The following NMT2 variants were observed in gnomAD, a reference collection of about 807,000 sequenced individuals.
NMT2 encodes the protein glycylpeptide N-tetradecanoyltransferase 2.
A neutral mutation model predicts 65.4 loss-of-function variants in NMT2; 35 were observed. The ratio of observed to expected loss-of-function variants is 0.54; its 90% confidence interval spans 0.41 to 0.71. The LOEUF is 0.71. NMT2 is among the 30% of genes least tolerant of loss of function. The probability of loss-of-function intolerance (pLI) is 0.00; values close to 1 mark genes in which losing one functional copy is unlikely to be tolerated. For missense variants in NMT2, 489 were observed against 611.3 expected, an observed-to-expected ratio of 0.80 and a Z score of 2.11; for synonymous variants, 226 against 231.8, an observed-to-expected ratio of 0.98 and a Z score of 0.23.
intron 2 of NMT2, 124 bp from the exon 3 acceptor site, chr10:15,135,542 C>A: frequency 1.1e-6 from 1 of 930,440 alleles, no homozygotes; most frequent in East Asian, 2.4e-5. Flanking sequence ...CCTCCAAGCC[C>A]AGTCAAGGCC....
At chr10:15,147,268 G>A (rs906532863) in intron 1 of NMT2, among the ~76,000 whole-genome samples, 1 of 152,054 alleles carries the variant, frequency 6.6e-6, no homozygotes, top group Non-Finnish European at 1.5e-5. Context: ...TTAGTGGTTT[G>A]AGACTAATTA....
At chr10:15,156,809 T>C (rs1833015747) in intron 1 of NMT2, among the ~76,000 whole-genome samples, 1 of 151,996 alleles carries the variant, frequency 6.6e-6, no homozygotes, top group Non-Finnish European at 1.5e-5. Context: ...GGCAGGAGAA[T>C]TGCGTGAACC....
chr10:15,147,389 A>G (rs1390759363), intron 1 of NMT2, among the ~76,000 whole-genome samples: 3 of 152,128 alleles, frequency 2.0e-5, no homozygotes, highest in Non-Finnish European at 4.4e-5. Context: ...GAACTAGTGT[A>G]TAATAATCAC....
intron 1 of NMT2, among the ~76,000 whole-genome samples, chr10:15,150,019 C>T (rs756612212): frequency 9.2e-5 from 14 of 152,306 alleles, no homozygotes; most frequent in Non-Finnish European, 1.5e-4. Context: ...CTTTGTGCTA[C>T]GTGTGTGCAC....
intron 9 of NMT2, among the ~76,000 whole-genome samples, chr10:15,118,645 T>C (rs913713332): frequency 2.8e-4 from 42 of 148,070 alleles, no homozygotes; most frequent in African/African-American, 9.9e-4. Context: ...GAAATAAACA[T>C]GGCTAACAGA....
chr10:15,107,077 C>T lies in NMT2; in HGVS notation c.*2118G>A, dbSNP rs1046431906. On this transcript the variant is annotated 3_prime_UTR_variant, in exon 12 of 12. Coordinates refer to ENST00000378165, the MANE Select transcript of NMT2 (RefSeq NM_004808.3). ...GAGCTGTTGACTGTGCCACTGTATT[C>T]TAGCCTGGACAATAGAGTGAGACCC... is the stretch of plus-strand genomic sequence containing the variant. 6.9e-6 allele frequency among the ~76,000 whole-genome samples: 1 copy of T among 144,554 alleles called. No individual in the cohort carries two copies. Among genetic ancestry groups the T allele is most frequent in the Non-Finnish European group, 1.5e-5 (1 of 67,220 alleles). The allele number at this position is 144,554 out of a possible 152,430, so 94.8% of individuals were successfully genotyped here.
chr10:15,130,415 T>G, intron 6 of NMT2, 103 bp from the exon 7 acceptor site: 1 of 909,560 alleles, frequency 1.1e-6, no homozygotes, highest in Non-Finnish European at 1.6e-6. Flanking sequence ...TATCCAAGAA[T>G]AAGAATGCAG....
At position 15,154,400 on chromosome 10, in the gene NMT2, A is replaced by G. The variant is rs1228234783; in HGVS notation, c.111-12843T>C. ...GCAGGCTGTGTGGTGACCTGGAAAG[A>G]CATTCAGTTCCTTTCAAATGACAAC... is the stretch of plus-strand genomic sequence containing the variant. On this transcript the variant is annotated intron_variant, in intron 1 of 11. Transcript: ENST00000378165. Among the ~76,000 whole-genome samples the G allele has an allele frequency of 2.6e-5, 4 of 152,220 alleles. No individual in the cohort carries two copies. The East Asian group carries it at 7.7e-4, about 29-fold the overall frequency.
intron 10 of NMT2, chr10:15,111,864 A>C (rs1845530625): frequency 6.6e-6 from 1 of 151,616 alleles, no homozygotes; most frequent in Admixed American, 6.6e-5. Flanking sequence ...CCCAGGCTGG[A>C]ATGCAATGGT....
intron 2 of NMT2, among the ~76,000 whole-genome samples, chr10:15,136,741 C>A (rs1846522925): frequency 1.3e-5 from 2 of 152,068 alleles, no homozygotes; most frequent in Non-Finnish European, 2.9e-5. Flanking sequence ...AAACTGGACT[C>A]CTTTTTAGGT....
chr10:15,109,232 A>T lies in NMT2; in HGVS notation c.1477-17T>A. 1 of 1,603,344 alleles carries T rather than the reference A, an allele frequency of 6.2e-7. No individual in the cohort carries two copies. Among genetic ancestry groups the T allele is most frequent in the South Asian group, 1.1e-5 (1 of 89,484 alleles). Reference sequence around the variant, plus strand: ...TAGTCCAACCTGAAGGGAGGGAAGAAATGGAATAGTAAGAAAAATTAGATT... The same window carrying T: ...TAGTCCAACCTGAAGGGAGGGAAGATATGGAATAGTAAGAAAAATTAGATT... On this transcript the variant is annotated splice_polypyrimidine_tract_variant and intron_variant, in intron 11 of 11. Coordinates refer to ENST00000378165, the MANE Select transcript of NMT2 (RefSeq NM_004808.3).
chr10:15,132,317 C>G (rs1846313325), intron 6 of NMT2, among the ~76,000 whole-genome samples: 1 of 151,482 alleles, frequency 6.6e-6, no homozygotes, highest in Non-Finnish European at 1.5e-5. Context: ...TATTTTAAAA[C>G]AGTTTTAGGT....
intron 1 of NMT2, among the ~76,000 whole-genome samples, chr10:15,158,695 T>C (rs1240274775): frequency 3.9e-5 from 6 of 152,178 alleles, no homozygotes; most frequent in Admixed American, 3.9e-4. Flanking sequence ...AGGTGTGTCT[T>C]AGTTCAGCCT....
At chr10:15,147,095 CAAAAAAAAAAAAAAAAAAAAAAAAAAAA>C (rs34668178) in intron 1 of NMT2, among the ~76,000 whole-genome samples, 1 of 44,488 alleles carries the variant, frequency 2.2e-5, no homozygotes, top group Non-Finnish European at 5.1e-5. Flanking sequence ...CTCTCGCTCT[CAAAAAAAAAAAAAAAAAAAAAAAAAAAA>C]AAAAAAAAAA....
intron 3 of NMT2, among the ~76,000 whole-genome samples, chr10:15,134,679 T>C (rs1187927856): frequency 6.6e-6 from 1 of 152,086 alleles, no homozygotes; most frequent in Admixed American, 6.6e-5. Context: ...GAACCTTATA[T>C]ACATTTTTAA....
intron 10 of NMT2, among the ~76,000 whole-genome samples, chr10:15,112,511 G>C (rs1056526308): frequency 1.3e-5 from 2 of 151,528 alleles, no homozygotes; most frequent in African/African-American, 4.9e-5. Flanking sequence ...TTACAAGCCT[G>C]AGCCACCATG....
intron 10 of NMT2, among the ~76,000 whole-genome samples, chr10:15,110,825 C>G (rs1845488004): frequency 6.6e-6 from 1 of 152,140 alleles, no homozygotes; most frequent in Non-Finnish European, 1.5e-5. Context: ...GAGTCTCACT[C>G]TGTCATCCAG....
At chr10:15,152,266 G>A (rs567392426) in intron 1 of NMT2, among the ~76,000 whole-genome samples, 7 of 152,300 alleles carry the variant, frequency 4.6e-5, no homozygotes, top group Middle Eastern at 3.4e-3. Context: ...AACACAAAAG[G>A]AAATGCACCT....
At chr10:15,159,247 T>C (rs1833105262) in intron 1 of NMT2, among the ~76,000 whole-genome samples, 1 of 152,166 alleles carries the variant, frequency 6.6e-6, no homozygotes, top group Non-Finnish European at 1.5e-5. Flanking sequence ...GGCAGTCTAG[T>C]TGACAGAGAC....
Sources: gnomAD v4.1 joint callset for allele counts (sites outside exome capture counted in the v4.1 genomes callset) on GRCh38, gnomAD v4.1.1 for gene constraint, MANE v1.5 for transcripts, NCBI Gene and HGNC (gene_info 2026-07-23, HGNC 2026-07-21) for gene names.